Variants in MYO5B observed in about 807,000 individuals in gnomAD.
MYO5B encodes unconventional myosin-Vb.
A neutral mutation model predicts 229.3 loss-of-function variants in MYO5B; 143 were observed. That is an observed-to-expected ratio of 0.62 (90% CI 0.54 to 0.72). The LOEUF is 0.72. MYO5B is among the 30% of genes least tolerant of loss of function. The pLI, the probability that MYO5B is intolerant of heterozygous loss-of-function variation, is 0.00. For missense variants in MYO5B, 2,321 were observed against 2,331.0 expected, an observed-to-expected ratio of 1.00 and a Z score of 0.09; for synonymous variants, 918 against 885.2, an observed-to-expected ratio of 1.04 and a Z score of -0.66.
chr18:50,149,665 A>T (rs1479194954), intron 1 of MYO5B, among the ~76,000 whole-genome samples: 8 of 150,496 alleles, frequency 5.3e-5, no homozygotes, highest in Non-Finnish European at 1.2e-4. Flanking sequence ...CCTTCCTTAC[A>T]CCTTATACAA....
At chr18:49,962,631 GC>G (rs1369340837) in intron 11 of MYO5B, among the ~76,000 whole-genome samples, 3 of 152,150 alleles carry the variant, frequency 2.0e-5, no homozygotes, top group Non-Finnish European at 2.9e-5. Context: ...CACCTGAGTT[GC>G]CGTATTCCCA....
At chr18:50,055,224 T>TGGGCCCCCC in intron 2 of MYO5B, 44 bp downstream of exon 2, 1 of 658,278 alleles carries the variant, frequency 1.5e-6, no homozygotes, top group Non-Finnish European at 2.9e-6. Context: ...CTGAGCTCCC[T>TGGGCCCCCC]GCCCCACCTC....
intron 1 of MYO5B, among the ~76,000 whole-genome samples, chr18:50,132,187 G>A (rs765984745): frequency 6.6e-5 from 10 of 152,090 alleles, no homozygotes; most frequent in Non-Finnish European, 1.2e-4. Context: ...CTTGCTCTCC[G>A]CTTTGAAACA....
In MYO5B at chr18:49,848,661, G is replaced by T. The variant is rs533666867; in HGVS notation, c.4315+906C>A. ...CAGGGGACAAGAACTGGACACAAGGGTAGGGGCAGACACAGAGAAACATCA... is the reference window on the plus strand; with the variant it reads ...CAGGGGACAAGAACTGGACACAAGGTTAGGGGCAGACACAGAGAAACATCA... On this transcript the variant is annotated intron_variant, in intron 32 of 39. Coordinates refer to ENST00000285039, the MANE Select transcript of MYO5B (RefSeq NM_001080467.3). 6.6e-5 allele frequency among the ~76,000 whole-genome samples: 10 copies of T among 152,322 alleles called. No homozygotes were observed. The South Asian group carries it at 1.5e-3, about 22-fold the overall frequency.
At chr18:50,123,236 C>G (rs1291940537) in intron 1 of MYO5B, among the ~76,000 whole-genome samples, 1 of 152,112 alleles carries the variant, frequency 6.6e-6, no homozygotes, top group Non-Finnish European at 1.5e-5. Context: ...CCAGAATACA[C>G]AAATCCATAG....
In MYO5B at chr18:50,000,519, C is replaced by T. The variant is rs541839614; in HGVS notation, c.612+736G>A. Among the ~76,000 whole-genome samples the T allele has an allele frequency of 8.5e-5, 13 of 152,290 alleles. No individual in the cohort carries two copies. The East Asian group carries it at 1.7e-3, about 20-fold the overall frequency. On this transcript the variant is annotated intron_variant, in intron 5 of 39. Coordinates refer to ENST00000285039, the MANE Select transcript of MYO5B (RefSeq NM_001080467.3). Reference sequence around the variant, plus strand: ...ACTACGAGGCCATTTCATTCTAATCCATCAAAATGAAGGTTTCATACAGAA... The same window carrying T: ...ACTACGAGGCCATTTCATTCTAATCTATCAAAATGAAGGTTTCATACAGAA...
chr18:50,112,255 C>T (rs1191220028), intron 1 of MYO5B, among the ~76,000 whole-genome samples: 4 of 152,178 alleles, frequency 2.6e-5, no homozygotes, highest in African/African-American at 9.7e-5. Flanking sequence ...ATCTGGGCTA[C>T]ATCTAGGAAT....
At chr18:50,005,281 G>A (rs2026089359) in intron 4 of MYO5B, among the ~76,000 whole-genome samples, 1 of 152,106 alleles carries the variant, frequency 6.6e-6, no homozygotes, top group South Asian at 2.1e-4. Context: ...AGGACACTGG[G>A]GTTGTAATCT....
At chr18:49,996,695 G>C (rs529391175) in intron 5 of MYO5B, among the ~76,000 whole-genome samples, 2 of 152,278 alleles carry the variant, frequency 1.3e-5, no homozygotes, top group South Asian at 4.1e-4. Flanking sequence ...ATGAAAACAC[G>C]GATAAGGAGC....
In MYO5B at chr18:49,936,305, C is replaced by T. The variant is rs180849030; in HGVS notation, c.1950G>A (p.Thr650=). The change falls in exon 16 of 40, where the codon ACG becomes ACA. Residue 650 remains threonine (T), a synonymous_variant. Coordinates refer to ENST00000285039, the MANE Select transcript of MYO5B (RefSeq NM_001080467.3). ...TGATGCAGCGGACATAGTGAGGTGT[C>T]GTGGCATTCAGGGTCTCCATGAGCA... ...LHLLMETLNA[T]TPHYVRCIKP... is the part of the protein sequence containing the mutation. 4.1e-4 allele frequency: 658 copies of T among 1,603,936 alleles called. 2 individuals are homozygous for T. Among genetic ancestry groups the T allele is most frequent in the Middle Eastern group, 1.7e-4 (1 of 6,050 alleles).
chr18:49,894,251 A>G (rs1465210993), intron 22 of MYO5B, among the ~76,000 whole-genome samples: 1 of 135,164 alleles, frequency 7.4e-6, no homozygotes, highest in African/African-American at 2.7e-5. Flanking sequence ...GCAACATGCT[A>G]TTTCCCTTGT....
At chr18:49,990,555 G>C in intron 6 of MYO5B, 35 bp from the exon 7 acceptor site, 1 of 1,565,206 alleles carries the variant, frequency 6.4e-7, no homozygotes, top group Non-Finnish European at 8.8e-7. Context: ...TTTTAGGGCA[G>C]TGACCTCTAA....
intron 1 of MYO5B, among the ~76,000 whole-genome samples, chr18:50,109,378 C>G (rs544384146): frequency 6.6e-6 from 1 of 151,978 alleles, no homozygotes; most frequent in Non-Finnish European, 1.5e-5. Flanking sequence ...CATGCTCTGT[C>G]ACCAACTTGT....
At chr18:49,958,686 C>T (rs1209859658) in intron 12 of MYO5B, among the ~76,000 whole-genome samples, 2 of 152,196 alleles carry the variant, frequency 1.3e-5, no homozygotes, top group Non-Finnish European at 2.9e-5. Context: ...TTCAAACTCG[C>T]TGTCTCCACT....
intron 1 of MYO5B, among the ~76,000 whole-genome samples, chr18:50,159,118 G>A (rs1029656791): frequency 3.9e-5 from 6 of 152,152 alleles, no homozygotes; most frequent in Non-Finnish European, 7.3e-5. Flanking sequence ...GTCCAGAGCT[G>A]TCAATCACTT....
intron 9 of MYO5B, among the ~76,000 whole-genome samples, chr18:49,977,572 A>G (rs994653445): frequency 6.6e-6 from 1 of 152,148 alleles, no homozygotes; most frequent in African/African-American, 2.4e-5. Context: ...GGGGCTCACC[A>G]GGCAAGCAGA....
rs1267662436 is a variant in MYO5B, at chr18:50,086,262, C to T, written c.28-30884G>A. Among the ~76,000 whole-genome samples, 6 of 152,054 alleles carry T rather than the reference C, an allele frequency of 3.9e-5. No individual in the cohort carries two copies. In the East Asian group the frequency reaches 9.7e-4, roughly 25 times the overall value. ...CTCTTCCGTTGCCTTTTCTCTTTCC[C>T]AAAAGACAGCCATTATCTTGACAGT... On this transcript the variant is annotated intron_variant, in intron 1 of 39. Coordinates refer to ENST00000285039, the MANE Select transcript of MYO5B (RefSeq NM_001080467.3).
chr18:50,094,552 C>A (rs569130676), intron 1 of MYO5B, among the ~76,000 whole-genome samples: 27 of 152,080 alleles, frequency 1.8e-4, no homozygotes, highest in Non-Finnish European at 3.4e-4. Context: ...AAGAAATAAG[C>A]CATCGAGGAG....
chr18:49,834,448 C>T (rs755729258), intron 39 of MYO5B, among the ~76,000 whole-genome samples: 9 of 152,142 alleles, frequency 5.9e-5, no homozygotes, highest in African/African-American at 1.7e-4. Flanking sequence ...TGAATCACTG[C>T]GACATGACTA....
Sources: allele counts gnomAD v4.1 joint callset (sites outside exome capture counted in the v4.1 genomes callset), GRCh38; gene constraint gnomAD v4.1.1; transcripts MANE v1.5; gene names NCBI Gene and HGNC (gene_info 2026-07-23, HGNC 2026-07-21).